SUCLA2: variants seen among roughly 807,000 people sequenced by gnomAD.
The protein encoded by SUCLA2 is succinate--CoA ligase [ADP-forming] subunit beta, mitochondrial.
A neutral mutation model predicts 54.8 loss-of-function variants in SUCLA2; 30 were observed. The ratio of observed to expected loss-of-function variants is 0.55; its 90% CI spans 0.41 to 0.74. The LOEUF (loss-of-function observed/expected upper bound fraction) is 0.74, where lower values mean the gene tolerates loss of function less well. Ranked by LOEUF, SUCLA2 falls within the 30% of genes least tolerant of loss-of-function variation. The pLI is 0.00. For missense variants in SUCLA2, 476 were observed against 562.9 expected (o/e 0.85, Z 1.56); for synonymous variants, 172 against 188.9 (o/e 0.91, Z 0.74).
At chr13:47,996,049 T>C (rs1384261158) in intron 2 of SUCLA2, among the ~76,000 whole-genome samples, 1 of 151,946 alleles carries the variant, frequency 6.6e-6, no homozygotes, top group East Asian at 1.9e-4. Flanking sequence ...TCGGGCTGTA[T>C]GTGGTGGCTC....
rs542814519 is a variant in SUCLA2, at chr13:48,001,253, A to G, written c.17T>C (p.Phe6Ser). ...GGCCACGGCCACTAGCCTGCCGTAG[A>G]ACATGGAGGCCGCCATTTCTGAGTC... MAASM[F>S]YGRLVAVATL... The change falls in exon 1 of 11, where the codon TTC becomes TCC. Residue 6 changes from phenylalanine (F) to serine (S), a missense_variant. Phe to Ser is a radical substitution (Grantham distance 155). Coordinates refer to ENST00000646932, the MANE Select transcript of SUCLA2 (RefSeq NM_003850.3). 4.4e-6 allele frequency: 7 copies of G among 1,604,724 alleles called. No individual in the cohort carries two copies. The African/African-American group carries it at 8.0e-5, about 18-fold the overall frequency.
At position 47,968,727 on chromosome 13, in the gene SUCLA2, G is replaced by C. The variant is rs1311428942; in HGVS notation, c.670C>G (p.Gln224Glu). ...ATATTAGGTGGAAATCCCATCTTCT[G>C]TGCAAGCTGAAATCAATATGTCTTT... ...IKKEQALQLA[Q>E]KMGFPPNIVE... The change falls in exon 6 of 11, where the codon CAG becomes GAG. Residue 224 changes from glutamine to glutamate, a missense_variant. Transcript: ENST00000646932. 5.0e-6 allele frequency: 8 copies of C among 1,612,276 alleles called. No individual in the cohort carries two copies. Among genetic ancestry groups the C allele is most frequent in the Non-Finnish European group, 6.8e-6 (8 of 1,179,860 alleles).
chr13:47,948,876 A>C (rs1949755457), intron 10 of SUCLA2, 64 bp downstream of exon 10: 27 of 1,443,340 alleles, frequency 1.9e-5, no homozygotes, highest in Non-Finnish European at 2.6e-5. Context: ...AGCTGTATTA[A>C]TAATTAGGTT....
chr13:47,947,475 T>C (rs1949740844), intron 10 of SUCLA2, among the ~76,000 whole-genome samples: 1 of 152,188 alleles, frequency 6.6e-6, no homozygotes, highest in African/African-American at 2.4e-5. Context: ...TAACAAATGG[T>C]TGACACGTGG....
chr13:47,973,217 A>C, intron 5 of SUCLA2, 47 bp downstream of exon 5: 1 of 1,539,200 alleles, frequency 6.5e-7, no homozygotes, highest in Non-Finnish European at 9.0e-7. Context: ...TTTAAGTATC[A>C]TAATTCTCTA....
At chr13:47,987,189 C>A (rs979143514) in intron 4 of SUCLA2, among the ~76,000 whole-genome samples, 23 of 152,110 alleles carry the variant, frequency 1.5e-4, no homozygotes, top group African/African-American at 5.1e-4. Flanking sequence ...AAATTTGATC[C>A]TTTTCCCAAA....
In SUCLA2 at chr13:47,949,479, T is replaced by C. The variant is rs960659674; in HGVS notation, c.1228+4A>G. The C allele has an allele frequency of 2.5e-6, 4 of 1,613,370 alleles. No homozygotes were observed. Among genetic ancestry groups the C allele is most frequent in the Non-Finnish European group, 3.4e-6 (4 of 1,179,586 alleles). On this transcript the variant is annotated splice_donor_region_variant and intron_variant, in intron 9 of 10. Transcript: ENST00000646932. ...AACAACTGCAAGATACCTTTTATAC[T>C]CACCTTGTAACCGTACCACAACAGG... is the stretch of plus-strand genomic sequence containing the variant.
At chr13:47,988,289 C>A (rs1291979882) in intron 4 of SUCLA2, 6 of 534,124 alleles carry the variant, frequency 1.1e-5, no homozygotes, top group African/African-American at 3.9e-5. Context: ...AGTGAATTAA[C>A]AATTTGAGAA....
rs541373945 is a variant in SUCLA2, at chr13:47,947,840, C to T, written c.1317+1100G>A. Reference sequence around the variant, plus strand: ...CCAGACTATGAGAAACTTAACAAGACCATCAACCTGGATTTTTCAACAAAT... The same window carrying T: ...CCAGACTATGAGAAACTTAACAAGATCATCAACCTGGATTTTTCAACAAAT... On this transcript the variant is annotated intron_variant, in intron 10 of 10. Transcript: ENST00000646932. 7.2e-5 allele frequency among the ~76,000 whole-genome samples: 11 copies of T among 152,218 alleles called. No homozygotes were observed. The South Asian group carries it at 1.9e-3, about 26-fold the overall frequency.
At chr13:47,957,823 A>G (rs1238439309) in intron 6 of SUCLA2, among the ~76,000 whole-genome samples, 4 of 152,076 alleles carry the variant, frequency 2.6e-5, no homozygotes, top group African/African-American at 9.7e-5. Context: ...TTCCTAAGGA[A>G]TTTTTGTTTG....
intron 4 of SUCLA2, among the ~76,000 whole-genome samples, chr13:47,983,084 C>T (rs3862747): frequency 0.94 from 142,380 of 152,172 alleles, 66,640 homozygotes; most frequent in East Asian, 1. Flanking sequence ...TTAGCTAAAC[C>T]ATGGGCACTT....
intron 2 of SUCLA2, among the ~76,000 whole-genome samples, chr13:47,989,413 A>G (rs541895185): frequency 4.5e-4 from 69 of 152,026 alleles, no homozygotes; most frequent in African/African-American, 1.6e-3. Context: ...GGGTTTCACC[A>G]TGTTAGCCAG....
At chr13:47,957,116 G>A (rs1949827585) in intron 6 of SUCLA2, among the ~76,000 whole-genome samples, 1 of 152,132 alleles carries the variant, frequency 6.6e-6, no homozygotes, top group Admixed American at 6.5e-5. Context: ...ACTAGACTCT[G>A]GACCTCTCAT....
At chr13:47,962,470 C>T (rs1949878101) in intron 6 of SUCLA2, among the ~76,000 whole-genome samples, 1 of 152,162 alleles carries the variant, frequency 6.6e-6, no homozygotes, top group Non-Finnish European at 1.5e-5. Context: ...TGATTCTTGT[C>T]GCACTGTGTG....
chr13:47,996,943 T>G lies in SUCLA2; in HGVS notation c.171A>C (p.Glu57Asp), dbSNP rs762652441. Reference protein sequence around the residue: ...QQQQRNLSLHEYMSMELLQEA... With the variant: ...QQQQRNLSLHDYMSMELLQEA... The stretch of plus-strand genomic sequence containing the variant: ...CTTGCAATAATTCCATACTCATGTA[T>G]TCATGTAGTGAGAGATTCCTTTGCT... The change falls in exon 2 of 11, where the codon GAA becomes GAC. Residue 57 changes from glutamate (E) to aspartate (D), a missense_variant. By Grantham distance (45) the Glu-to-Asp change is conservative. This residue lies in a region of SUCLA2 where 134 missense variants were observed against 118.7 expected (regional missense o/e 1.13). Coordinates refer to ENST00000646932, the MANE Select transcript of SUCLA2 (RefSeq NM_003850.3). 6.2e-7 allele frequency: 1 copy of G among 1,614,090 alleles called. No individual in the cohort carries two copies. The highest frequency in any genetic ancestry group is 1.1e-5 in the South Asian group (1 of 91,084).
At chr13:47,977,675 A>G (rs1308981900) in intron 4 of SUCLA2, among the ~76,000 whole-genome samples, 2 of 152,204 alleles carry the variant, frequency 1.3e-5, no homozygotes, top group African/African-American at 4.8e-5. Context: ...CAAAAACCAC[A>G]ATAATCTCAA....
intron 6 of SUCLA2, among the ~76,000 whole-genome samples, chr13:47,964,999 AG>A (rs1387503780): frequency 4.3e-4 from 62 of 143,588 alleles, no homozygotes; most frequent in Non-Finnish European, 8.1e-4. Context: ...AAAAAAAAAA[AG>A]AGGCCACAGG....
intron 4 of SUCLA2, among the ~76,000 whole-genome samples, chr13:47,981,472 G>A (rs941521617): frequency 1.3e-5 from 2 of 152,162 alleles, no homozygotes; most frequent in East Asian, 1.9e-4. Flanking sequence ...GAATATTGGC[G>A]AGGATGCAGA....
At chr13:47,946,101 C>T (rs1949729408) in intron 10 of SUCLA2, among the ~76,000 whole-genome samples, 1 of 152,208 alleles carries the variant, frequency 6.6e-6, no homozygotes, top group Non-Finnish European at 1.5e-5. Context: ...ATCTCATTAT[C>T]ACCACAAAGG....
Sources: gnomAD v4.1 joint callset for allele counts (sites outside exome capture counted in the v4.1 genomes callset) on GRCh38, gnomAD v4.1.1 for gene constraint, gnomAD v4.1.1 regional missense constraint, MANE v1.5 for transcripts, NCBI Gene and HGNC (gene_info 2026-07-23, HGNC 2026-07-21) for gene names.